The following PRKN variants were observed in gnomAD, a reference collection of about 807,000 sequenced individuals.
PRKN encodes parkin RBR E3 ubiquitin protein ligase.
A neutral mutation model predicts 59.5 loss-of-function variants in PRKN; 56 were observed. The ratio of observed to expected loss-of-function variants is 0.94; its 90% CI spans 0.76 to 1.18. PRKN has a LOEUF of 1.18. Ranked by LOEUF, PRKN falls within the 50% of genes most tolerant of loss-of-function variation. The pLI, the probability that PRKN is intolerant of heterozygous loss-of-function variation, is 0.00. For missense variants in PRKN, 657 were observed against 596.4 expected, an observed-to-expected ratio of 1.10 and a Z score of -1.06; for synonymous variants, 250 against 222.1, an observed-to-expected ratio of 1.13 and a Z score of -1.12.
intron 2 of PRKN, among the ~76,000 whole-genome samples, chr6:162,329,662 C>G (rs1022106352): frequency 1.3e-5 from 2 of 151,838 alleles, no homozygotes; most frequent in African/African-American, 4.8e-5. Context: ...TTGCTCGAAG[C>G]CCTACTCTAG....
At chr6:161,630,649 T>C (rs144236605) in intron 7 of PRKN, among the ~76,000 whole-genome samples, 1 of 152,298 alleles carries the variant, frequency 6.6e-6, no homozygotes, top group Non-Finnish European at 1.5e-5. Flanking sequence ...CTTTAAGTTA[T>C]GGCGCTCTCT....
chr6:162,099,866 C>T (rs1303946901), intron 4 of PRKN, among the ~76,000 whole-genome samples: 1 of 152,162 alleles, frequency 6.6e-6, no homozygotes, highest in Non-Finnish European at 1.5e-5. Flanking sequence ...TGCAATACAT[C>T]ACTTTTTCCT....
At chr6:162,629,356 C>T (rs1783015376) in intron 1 of PRKN, among the ~76,000 whole-genome samples, 1 of 152,062 alleles carries the variant, frequency 6.6e-6, no homozygotes, top group Admixed American at 6.6e-5. Context: ...TAATTACCTA[C>T]AAATCACTAC....
Position 161,390,136 on chromosome 6 carries a change from T to C in PRKN, c.1084-3259A>G, listed in dbSNP as rs1426582073. On this transcript the variant is annotated intron_variant, in intron 9 of 11. Transcript: ENST00000366898. The surrounding 1 kb of genome is among the most constrained non-coding windows in gnomAD (Gnocchi z 7.0). Reference sequence around the variant, plus strand: ...CCCAATTAAGTAACATGAATCTGTCTCATGTGCAATGTAGAAGGTCTGATT... The same window carrying C: ...CCCAATTAAGTAACATGAATCTGTCCCATGTGCAATGTAGAAGGTCTGATT... Among the ~76,000 whole-genome samples, 2 of 152,242 alleles carry C rather than the reference T, an allele frequency of 1.3e-5. No individual in the cohort carries two copies. Among genetic ancestry groups the C allele is most frequent in the African/African-American group, 4.8e-5 (2 of 41,468 alleles).
chr6:161,730,610 A>AT (rs1787658358), intron 7 of PRKN, among the ~76,000 whole-genome samples: 5 of 133,846 alleles, frequency 3.7e-5, no homozygotes, highest in African/African-American at 1.6e-4. Flanking sequence ...TTTCTGATAC[A>AT]TCACATTCTG....
chr6:161,885,766 A>G (rs761818641), intron 6 of PRKN, among the ~76,000 whole-genome samples: 13 of 152,196 alleles, frequency 8.5e-5, no homozygotes, highest in Non-Finnish European at 1.3e-4. Flanking sequence ...ATAACTGTTC[A>G]TATAATTTTT....
rs2128141166 is a variant in PRKN, at chr6:161,592,666, G to A, written c.872-23250C>T. Among the ~76,000 whole-genome samples the A allele has an allele frequency of 6.6e-6, 1 of 152,262 alleles. No individual in the cohort carries two copies. The highest frequency in any genetic ancestry group is 2.1e-4 in the South Asian group (1 of 4,826). On this transcript the variant is annotated intron_variant, in intron 7 of 11. Transcript: ENST00000366898. This position sits in a 1 kb window ranked among gnomAD's most constrained non-coding sequence, Gnocchi z 4.8. ...TGGAGAAAGATGAAGCAGGGAAACT[G>A]TTGGAGGGAGAGGGAGGATCTGGAA...
At chr6:162,528,097 G>A (rs1312149426) in intron 1 of PRKN, among the ~76,000 whole-genome samples, 4 of 151,624 alleles carry the variant, frequency 2.6e-5, no homozygotes, top group Non-Finnish European at 4.4e-5. Flanking sequence ...CGGGGCGGCG[G>A]GTCACCTGAG....
chr6:162,578,513 T>C (rs1780652016), intron 1 of PRKN, among the ~76,000 whole-genome samples: 2 of 152,190 alleles, frequency 1.3e-5, no homozygotes, highest in Non-Finnish European at 2.9e-5. Context: ...AGCAATACTA[T>C]TTTAAATGTC....
chr6:162,032,483 T>G (rs928707556), intron 5 of PRKN, among the ~76,000 whole-genome samples: 1 of 152,090 alleles, frequency 6.6e-6, no homozygotes, highest in Non-Finnish European at 1.5e-5. Flanking sequence ...TGGGGGCCAC[T>G]TTGCAGCCTA....
At chr6:162,334,450 T>A (rs974985759) in intron 2 of PRKN, among the ~76,000 whole-genome samples, 2 of 152,174 alleles carry the variant, frequency 1.3e-5, no homozygotes, top group African/African-American at 2.4e-5. Context: ...CCATGCTCTA[T>A]AAATGGAAAA....
intron 7 of PRKN, among the ~76,000 whole-genome samples, chr6:161,589,220 C>T (rs868280657): frequency 7.2e-5 from 11 of 152,202 alleles, no homozygotes; most frequent in African/African-American, 1.2e-4. Context: ...CGCGCAGAGA[C>T]GCCCCGCTGC....
intron 5 of PRKN, among the ~76,000 whole-genome samples, chr6:162,050,203 A>G (rs1777575284): frequency 6.6e-6 from 1 of 152,144 alleles, no homozygotes; most frequent in South Asian, 2.1e-4. Context: ...TTAAAATGGT[A>G]TCAACAGCAT....
At chr6:161,935,601 T>C (rs1234612694) in intron 6 of PRKN, among the ~76,000 whole-genome samples, 2 of 141,798 alleles carry the variant, frequency 1.4e-5, no homozygotes, top group African/African-American at 2.6e-5. Context: ...AAGACGTGAG[T>C]ATGAAAAGAG....
rs1374635548 is a variant in PRKN at position 161,487,008 on chromosome 6, A to G, written c.1083+61846T>C. 6.6e-6 allele frequency among the ~76,000 whole-genome samples: 1 copy of G among 152,168 alleles called. No individual in the cohort carries two copies. The highest frequency in any genetic ancestry group is 2.4e-5 in the African/African-American group (1 of 41,456). ...CTGAGTAAGAGTTTAGGGGAGGTGT[A>G]GCTCGTCTTCATGGAGGTTAGGGGC... On this transcript the variant is annotated intron_variant, in intron 9 of 11. Coordinates refer to ENST00000366898, the MANE Select transcript of PRKN (RefSeq NM_004562.3). The surrounding 1 kb of genome is among the most constrained non-coding windows in gnomAD (Gnocchi z 5.3).
intron 6 of PRKN, among the ~76,000 whole-genome samples, chr6:161,935,607 A>AAGAGTCCCTAT (rs1382625739): frequency 6.6e-6 from 1 of 152,060 alleles, no homozygotes; most frequent in African/African-American, 2.4e-5. Context: ...TGAGTATGAA[A>AAGAGTCCCTAT]AGAGTCCCTA....
At chr6:161,731,173 C>T (rs1172363451) in intron 7 of PRKN, among the ~76,000 whole-genome samples, 1 of 152,234 alleles carries the variant, frequency 6.6e-6, no homozygotes. Flanking sequence ...GTGTTGCATT[C>T]TGATATGTTT....
Position 162,280,951 on chromosome 6 carries a change from A to G in PRKN, c.172-18186T>C, listed in dbSNP as rs528750478. Among the ~76,000 whole-genome samples, 52 of 152,244 alleles carry G rather than the reference A, an allele frequency of 3.4e-4. No individual in the cohort carries two copies. In the South Asian group the frequency reaches 0.01, roughly 30 times the overall value. On this transcript the variant is annotated intron_variant, in intron 2 of 11. Transcript: ENST00000366898. ...CACCATGGAATACTATGCAACCATA[A>G]AAAAGAATGAGATCATGTCCTTTGC...
intron 6 of PRKN, among the ~76,000 whole-genome samples, chr6:161,856,297 T>C: frequency 6.6e-6 from 1 of 151,780 alleles, no homozygotes; most frequent in East Asian, 1.9e-4. Flanking sequence ...GAGGCGGAGG[T>C]TGCAGCGAGC....
Sources: allele counts gnomAD v4.1 joint callset (sites outside exome capture counted in the v4.1 genomes callset), GRCh38; gene constraint gnomAD v4.1.1; non-coding constraint Gnocchi (gnomAD v3.1); transcripts MANE v1.5; gene names NCBI Gene and HGNC (gene_info 2026-07-23, HGNC 2026-07-21).